CACNA1H: variants seen among roughly 807,000 people sequenced by gnomAD.
The protein encoded by CACNA1H is calcium voltage-gated channel subunit alpha1 H.
CACNA1H carries 149 observed loss-of-function variants against 192.5 expected under a neutral mutation model. That is an observed-to-expected ratio of 0.77 (90% CI 0.68 to 0.89). CACNA1H has a LOEUF of 0.89. Ranked by LOEUF, CACNA1H falls within the 40% of genes least tolerant of loss-of-function variation. The pLI is 0.00. For missense variants in CACNA1H, 4,257 were observed against 3,423.5 expected (o/e 1.24, Z -6.08); for synonymous variants, 2,202 against 1,475.2 (o/e 1.49, Z -11.29).
At chr16:1,198,458 C>T (rs556797907) in intron 5 of CACNA1H, among the ~76,000 whole-genome samples, 157 bp from the exon 6 acceptor site, 11 of 152,112 alleles carry the variant, frequency 7.2e-5, no homozygotes, top group African/African-American at 2.4e-4. Context: ...ACTAGGGGTG[C>T]GGGAAAATCA....
At chr16:1,202,642 C>T (rs1161019911) in intron 9 of CACNA1H, among the ~76,000 whole-genome samples, 190 bp downstream of exon 9, 1 of 152,126 alleles carries the variant, frequency 6.6e-6, no homozygotes, top group African/African-American at 2.4e-5. Flanking sequence ...CTGACAGCGC[C>T]AAAGCAAGCT....
In CACNA1H at chr16:1,200,058, C is replaced by T. The variant is rs115584807; in HGVS notation, c.804-198C>T. On this transcript the variant is annotated intron_variant, in intron 6 of 34. Coordinates refer to ENST00000348261, the MANE Select transcript of CACNA1H (RefSeq NM_021098.3). ...TCTTGACCCTGGTCCTGGCTGTGTC[C>T]CCTGATCCGGGTCTTGACCCTCAGT... Among the ~76,000 whole-genome samples the T allele has an allele frequency of 6.4e-3, 981 of 152,222 alleles. 9 individuals carry two copies. Among genetic ancestry groups the T allele is most frequent in the African/African-American group, 0.022 (902 of 41,508 alleles).
chr16:1,216,883 G>A, intron 30 of CACNA1H, 49 bp from the exon 31 acceptor site: 1 of 1,480,704 alleles, frequency 6.8e-7, no homozygotes, highest in Non-Finnish European at 9.3e-7. Context: ...GGTGGGCTGA[G>A]GCCTCCCTGC....
rs746740644 is a variant in CACNA1H at position 1,215,231 on chromosome 16, C to T, written c.5040-11C>T. On this transcript the variant is annotated splice_polypyrimidine_tract_variant and intron_variant, in intron 28 of 34. Coordinates refer to ENST00000348261, the MANE Select transcript of CACNA1H (RefSeq NM_021098.3). ...ACCCCAGACGTGTGCGCTGAGCCTC[C>T]GGCCACACAGGTGGAACCAGCTGGA... 27 of 1,597,226 alleles carry T rather than the reference C, an allele frequency of 1.7e-5. No individual in the cohort carries two copies. Among genetic ancestry groups the T allele is most frequent in the Middle Eastern group, 1.7e-4 (1 of 5,938 alleles).
Position 1,214,892 on chromosome 16 carries a change from C to T in CACNA1H, c.4930-80C>T, listed in dbSNP as rs967108126. 3.7e-5 allele frequency: 41 copies of T among 1,095,572 alleles called. No individual in the cohort carries two copies. The East Asian group carries it at 9.8e-4, about 26-fold the overall frequency. The allele number at this position is 1,095,572 out of a possible 1,614,324, so 67.9% of individuals were successfully genotyped here. ...CCTCCAGGGCCGGCCAGCGGGGGCA[C>T]TCGGGCGTGCAGAGTGGGAGCCAGG... On this transcript the variant is annotated intron_variant, in intron 27 of 34. Transcript: ENST00000348261.
At chr16:1,200,653 C>G (rs1037587280) in intron 7 of CACNA1H, 63 bp from the exon 8 acceptor site, 25 of 1,584,194 alleles carry the variant, frequency 1.6e-5, no homozygotes, top group Non-Finnish European at 2.1e-5. Context: ...AGCCCAGACC[C>G]CAGGGGCACG....
intron 2 of CACNA1H, among the ~76,000 whole-genome samples, 160 bp from the exon 3 acceptor site, chr16:1,194,812 A>G (rs1023648124): frequency 1.3e-5 from 2 of 152,074 alleles, no homozygotes; most frequent in African/African-American, 4.8e-5. Flanking sequence ...GGCTGCTTTC[A>G]GGAGGGGCGG....
At chr16:1,163,462 C>T (rs946418452) in intron 2 of CACNA1H, among the ~76,000 whole-genome samples, 2 of 152,242 alleles carry the variant, frequency 1.3e-5, no homozygotes, top group African/African-American at 4.8e-5. Context: ...CGCAGCCACA[C>T]ACAGCCCGGC....
chr16:1,178,318 C>A (rs1019514062), intron 2 of CACNA1H, among the ~76,000 whole-genome samples: 1 of 146,650 alleles, frequency 6.8e-6, no homozygotes, highest in Non-Finnish European at 1.5e-5. Flanking sequence ...CCTCCCCAGC[C>A]GCCTCATTTA....
rs200138472 is a variant in CACNA1H, at chr16:1,210,505, A to G, written c.3969+12A>G. On this transcript the variant is annotated intron_variant, in intron 19 of 34. Transcript: ENST00000348261. Reference sequence around the variant, plus strand: ...ATCCCGGCAGCACCGTGAGTCAGCCAACCCCATCGTCCCGGGCCACCACGA... The same window carrying G: ...ATCCCGGCAGCACCGTGAGTCAGCCGACCCCATCGTCCCGGGCCACCACGA... 2.7e-5 allele frequency: 43 copies of G among 1,611,448 alleles called. No homozygotes were observed. In the African/African-American group the frequency reaches 5.3e-4, roughly 20 times the overall value.
Position 1,220,265 on chromosome 16 carries a change from G to T in CACNA1H, c.6333G>T (p.Trp2111Cys). 1 of 1,586,350 alleles carries T rather than the reference G, an allele frequency of 6.3e-7. No individual in the cohort carries two copies. Among genetic ancestry groups the T allele is most frequent in the Non-Finnish European group, 8.5e-7 (1 of 1,172,550 alleles). ...ACATCACCAGCTCCGCCTGCCCCTG[G>T]CAGCCCACAGCCGAGCCCCATGGCC... Reference protein sequence around the residue: ...VSHITSSACPWQPTAEPHGPE... With the variant: ...VSHITSSACPCQPTAEPHGPE... The change falls in exon 35 of 35, where the codon TGG becomes TGT. Residue 2111 changes from tryptophan to cysteine, a missense_variant. By Grantham distance (215) the Trp-to-Cys change is radical (BLOSUM62 -2). Coordinates refer to ENST00000348261, the MANE Select transcript of CACNA1H (RefSeq NM_021098.3).
chr16:1,208,051 C>G lies in CACNA1H; in HGVS notation c.3193C>G (p.His1065Asp), dbSNP rs1159908739. The change falls in exon 16 of 35, where the codon CAC (histidine) becomes GAC (aspartate). Residue 1065 changes from histidine to aspartate, a missense_variant. Physicochemically the swap from His to Asp is moderately conservative, Grantham distance 81 (BLOSUM62 -1). Coordinates refer to ENST00000348261, the MANE Select transcript of CACNA1H (RefSeq NM_021098.3). ...TTCCCTGGCCGTGACCCCCAACGGG[C>G]ACCTGGAGGGACGAGGCAGCCTGTC... ...MCSLAVTPNGHLEGRGSLSPP... is the reference protein window; with the variant it reads ...MCSLAVTPNGDLEGRGSLSPP... 1 of 1,607,422 alleles carries G rather than the reference C, an allele frequency of 6.2e-7. No homozygotes were observed. The highest frequency in any genetic ancestry group is 1.1e-5 in the South Asian group (1 of 89,732).
At chr16:1,168,368 C>T (rs1226470846) in intron 2 of CACNA1H, among the ~76,000 whole-genome samples, 2 of 152,024 alleles carry the variant, frequency 1.3e-5, no homozygotes, top group Non-Finnish European at 2.9e-5. Flanking sequence ...TCCGACCACC[C>T]ACCCCGGGGC....
At chr16:1,203,343 C>T (rs986853027) in intron 9 of CACNA1H, among the ~76,000 whole-genome samples, 2 of 152,182 alleles carry the variant, frequency 1.3e-5, no homozygotes, top group African/African-American at 4.8e-5. Context: ...CAAACAGAAT[C>T]CCGTAGCTAA....
chr16:1,176,641 G>T (rs1437157730), intron 2 of CACNA1H, among the ~76,000 whole-genome samples: 1 of 152,222 alleles, frequency 6.6e-6, no homozygotes, highest in Non-Finnish European at 1.5e-5. Flanking sequence ...ACAGGCCCCG[G>T]GACCAGCCAC....
At chr16:1,215,816 CG>C (rs908246473) in intron 30 of CACNA1H, among the ~76,000 whole-genome samples, 2 of 152,144 alleles carry the variant, frequency 1.3e-5, no homozygotes, top group Non-Finnish European at 2.9e-5. Flanking sequence ...GACTCATAAC[CG>C]GGGCCCCCTC....
At chr16:1,190,451 CCCTGCTGG>C (rs1388477806) in intron 2 of CACNA1H, among the ~76,000 whole-genome samples, 15 of 152,340 alleles carry the variant, frequency 9.8e-5, no homozygotes, top group East Asian at 3.9e-4. Flanking sequence ...CTGCCCGAGC[CCCTGCTGG>C]CCTGTGCGGG....
rs774723774 is a variant in CACNA1H at position 1,198,765 on chromosome 16, C to G, written c.794C>G (p.Ala265Gly). Residue 265 changes from alanine to glycine, a missense_variant, in exon 6 of 35, where the codon GCC (alanine) becomes GGC (glycine). Physicochemically the swap from Ala to Gly is moderately conservative, Grantham distance 60. Transcript: ENST00000348261. ...CGGAACCGCTGCTTCCTGGACAGTG[C>G]CTTTGTCAGGTGCCCAGGCCCCACC... The part of the protein sequence containing the change: ...LLRNRCFLDS[A>G]FVRNNNLTFL... 2 of 1,610,982 alleles carry G rather than the reference C, an allele frequency of 1.2e-6. No homozygotes were observed. The highest frequency in any genetic ancestry group is 1.7e-6 in the Non-Finnish European group (2 of 1,179,044).
In CACNA1H at chr16:1,218,265, C is replaced by T. The variant is rs1374392899; in HGVS notation, c.5501C>T (p.Ala1834Val). ...AAGCACTGCCTGAGCTACCTGCCGGCCCTGTCGCCCGTCTACTTCGTGACC... is the reference window on the plus strand; with the variant it reads ...AAGCACTGCCTGAGCTACCTGCCGGTCCTGTCGCCCGTCTACTTCGTGACC... ...EDKHCLSYLPALSPVYFVTFV... is the reference protein window; with the variant it reads ...EDKHCLSYLPVLSPVYFVTFV... Residue 1834 changes from alanine (A) to valine (V), a missense_variant, in exon 33 of 35, where the codon GCC becomes GTC. Transcript: ENST00000348261. The T allele has an allele frequency of 1.9e-6, 3 of 1,551,386 alleles. No individual in the cohort carries two copies. The highest frequency in any genetic ancestry group is 2.7e-5 in the African/African-American group (2 of 73,082).
Sources: allele counts gnomAD v4.1 joint callset (sites outside exome capture counted in the v4.1 genomes callset), GRCh38; gene constraint gnomAD v4.1.1; transcripts MANE v1.5; gene names NCBI Gene and HGNC (gene_info 2026-07-23, HGNC 2026-07-21).